The following TBCK variants were observed in gnomAD, a reference collection of about 807,000 sequenced individuals.
TBCK encodes TBC1 domain containing kinase, also known as TBC domain-containing protein kinase-like protein.
Under a neutral mutation model 113.4 loss-of-function variants are expected in TBCK, and 99 were observed. The observed-to-expected ratio is 0.87, with a 90% confidence interval of 0.74 to 1.03. The LOEUF is 1.03. Ranked by LOEUF, TBCK falls within the 50% of genes least tolerant of loss-of-function variation. TBCK has a pLI of 0.00. For missense variants in TBCK, 1,045 were observed against 1,061.3 expected (o/e 0.98, Z 0.21); for synonymous variants, 369 against 370.8 (o/e 1.00, Z 0.05).
chr4:106,289,543 G>T (rs1384062422), intron 3 of TBCK, among the ~76,000 whole-genome samples: 1 of 152,054 alleles, frequency 6.6e-6, no homozygotes. Flanking sequence ...GGCTGAGGCG[G>T]GCAGATCATG....
chr4:106,264,021 T>G (rs1405500051), intron 3 of TBCK, among the ~76,000 whole-genome samples: 1 of 152,034 alleles, frequency 6.6e-6, no homozygotes, highest in Non-Finnish European at 1.5e-5. Flanking sequence ...TCAATTCTGG[T>G]GGTAGACTTT....
At chr4:106,097,370 T>C (rs1741048581) in intron 24 of TBCK, among the ~76,000 whole-genome samples, 1 of 152,134 alleles carries the variant, frequency 6.6e-6, no homozygotes, top group South Asian at 2.1e-4. Context: ...CTAAGAACAC[T>C]CATCCAAGAA....
At chr4:106,135,599 G>A (rs1345481230) in intron 23 of TBCK, among the ~76,000 whole-genome samples, 1 of 141,576 alleles carries the variant, frequency 7.1e-6, no homozygotes, top group Admixed American at 7.0e-5. Context: ...ACCAAGTAGG[G>A]TTTGGAAAAG....
intron 20 of TBCK, among the ~76,000 whole-genome samples, chr4:106,210,443 G>A (rs1755993160): frequency 6.6e-6 from 1 of 152,132 alleles, no homozygotes; most frequent in Non-Finnish European, 1.5e-5. Context: ...TTTTCTGCCT[G>A]TATCCAGAAA....
intron 23 of TBCK, among the ~76,000 whole-genome samples, chr4:106,118,641 AT>A (rs1457103288): frequency 2.6e-5 from 4 of 152,178 alleles, no homozygotes; most frequent in African/African-American, 9.6e-5. Flanking sequence ...GAACTTTTTG[AT>A]TAGCCCAGTT....
Position 106,063,031 on chromosome 4 carries a change from G to A in TBCK, c.2572-16351C>T, listed in dbSNP as rs781299304. Among the ~76,000 whole-genome samples the A allele has an allele frequency of 5.9e-5, 9 of 151,980 alleles. No individual in the cohort carries two copies. The East Asian group carries it at 9.7e-4, about 16-fold the overall frequency. ...GGAGTTTTTAGTTCATGAGTCTTTC[G>A]AAGTAATCTTTTATCACTTAACAAA... On this transcript the variant is annotated intron_variant, in intron 25 of 25. Coordinates refer to ENST00000394708, the MANE Select transcript of TBCK (RefSeq NM_001163435.3).
intron 23 of TBCK, among the ~76,000 whole-genome samples, chr4:106,165,388 A>G (rs894247793): frequency 1.3e-5 from 2 of 151,694 alleles, no homozygotes; most frequent in African/African-American, 4.8e-5. Flanking sequence ...GTAAAGGTCA[A>G]AGTGAAATTT....
At chr4:106,101,290 C>A (rs941005258) in intron 24 of TBCK, among the ~76,000 whole-genome samples, 4 of 152,124 alleles carry the variant, frequency 2.6e-5, no homozygotes, top group Non-Finnish European at 5.9e-5. Flanking sequence ...GCAATCCAGA[C>A]ATGAAGACAT....
In TBCK at chr4:106,311,986, C is replaced by T. The variant is rs28678471; in HGVS notation, c.-29-2997G>A. ...TTAGTCTTCTAATTGAAAACATAAG[C>T]GAATATCTTTACAACCTTAGGCTAG... On this transcript the variant is annotated intron_variant, in intron 1 of 25. Coordinates refer to ENST00000394708, the MANE Select transcript of TBCK (RefSeq NM_001163435.3). 3.7e-3 allele frequency among the ~76,000 whole-genome samples: 557 copies of T among 152,118 alleles called. 3 individuals are homozygous for T. Among genetic ancestry groups the T allele is most frequent in the African/African-American group, 0.013 (529 of 41,512 alleles).
At chr4:106,236,898 T>C (rs1265037993) in intron 12 of TBCK, 90 bp from the exon 13 acceptor site, 8 of 629,342 alleles carry the variant, frequency 1.3e-5, no homozygotes, top group Non-Finnish European at 1.7e-5. Context: ...ATAACAACTA[T>C]AAATTTATAA....
intron 24 of TBCK, among the ~76,000 whole-genome samples, chr4:106,098,804 A>T (rs1741227595): frequency 6.6e-6 from 1 of 152,014 alleles, no homozygotes; most frequent in African/African-American, 2.4e-5. Flanking sequence ...CCTGTCTTGG[A>T]GTAAGTTGTA....
intron 25 of TBCK, among the ~76,000 whole-genome samples, chr4:106,090,873 C>A (rs1431608910): frequency 6.6e-6 from 1 of 152,202 alleles, no homozygotes. Context: ...CAGCTATCAG[C>A]ATTTTGGTTA....
Position 106,262,214 on chromosome 4 carries a change from T to A in TBCK, c.267-2A>T. 6.6e-7 allele frequency: 1 copy of A among 1,516,214 alleles called. No homozygotes were observed. The highest frequency in any genetic ancestry group is 8.9e-7 in the Non-Finnish European group (1 of 1,122,004). 93.9% of individuals were successfully genotyped at this position (1,516,214 alleles called of 1,614,324 possible). ...GCTATACACAAAACCGTTGAACAGC[T>A]ACAAAGAAAACAAAAAGTCAAAGAT... is the stretch of plus-strand genomic sequence containing the variant. On this transcript the variant is annotated splice_acceptor_variant, in intron 3 of 25. Transcript: ENST00000394708. LOFTEE classifies it high-confidence loss of function.
At chr4:106,084,993 C>T (rs1739333568) in intron 25 of TBCK, among the ~76,000 whole-genome samples, 1 of 152,084 alleles carries the variant, frequency 6.6e-6, no homozygotes, top group Admixed American at 6.5e-5. Flanking sequence ...TGCAAAAACA[C>T]ACCAAAAAAT....
chr4:106,270,460 T>A (rs1309423854), intron 3 of TBCK, among the ~76,000 whole-genome samples: 2 of 152,206 alleles, frequency 1.3e-5, no homozygotes, highest in Non-Finnish European at 2.9e-5. Flanking sequence ...CCCCATACCC[T>A]GGCAGCATTT....
intron 22 of TBCK, 86 bp from the exon 23 acceptor site, chr4:106,171,356 A>G (rs1348851335): frequency 9.2e-5 from 88 of 952,514 alleles, no homozygotes. Context: ...CTAAGTGAAT[A>G]TATCTAAATA....
At chr4:106,047,254 G>A (rs1404640635) in intron 25 of TBCK, among the ~76,000 whole-genome samples, 1 of 152,124 alleles carries the variant, frequency 6.6e-6, no homozygotes, top group African/African-American at 2.4e-5. Flanking sequence ...TAGCACAAGA[G>A]GACTTTGTAA....
Position 106,247,123 on chromosome 4 carries a change from T to C in TBCK, c.931+16A>G. The C allele has an allele frequency of 6.2e-7, 1 of 1,604,198 alleles. No homozygotes were observed. On this transcript the variant is annotated intron_variant, in intron 10 of 25. Coordinates refer to ENST00000394708, the MANE Select transcript of TBCK (RefSeq NM_001163435.3). ...ACAAGGCTCATATTATTCTCTATGC[T>C]TTAATTTATCATTACCTTTACACAA...
At chr4:106,294,063 A>G (rs1402354872) in intron 3 of TBCK, among the ~76,000 whole-genome samples, 1 of 152,230 alleles carries the variant, frequency 6.6e-6, no homozygotes, top group East Asian at 1.9e-4. Context: ...CTGTATCATT[A>G]AATTCTATCC....
Sources: gnomAD v4.1 joint callset for allele counts (sites outside exome capture counted in the v4.1 genomes callset) on GRCh38, gnomAD v4.1.1 for gene constraint, MANE v1.5 for transcripts, NCBI Gene and HGNC (gene_info 2026-07-23, HGNC 2026-07-21) for gene names.